BEND2: variants seen among roughly 807,000 people sequenced by gnomAD.
BEND2 encodes BEN domain containing 2, also known as BEN domain-containing protein 2.
In BEND2, 19 loss-of-function variants were observed where a neutral mutation model predicts 43.8. The ratio of observed to expected loss-of-function variants is 0.43; its 90% CI spans 0.30 to 0.64. The LOEUF (loss-of-function observed/expected upper bound fraction) is 0.64. Among genes scored for constraint, BEND2 ranks in the 30% least tolerant of loss-of-function variants. The probability of loss-of-function intolerance (pLI) is 0.11; values close to 1 mark genes in which losing one functional copy is unlikely to be tolerated. For synonymous variants in BEND2, 226 were observed against 210.1 expected (o/e 1.08, Z -0.66); for missense variants, 544 against 574.0 (o/e 0.95, Z 0.53).
intron 10 of BEND2, 58 bp downstream of exon 10, chrX:18,177,511 T>C (rs1027068003): frequency 1.8e-5 from 20 of 1,086,916 alleles, no homozygotes; most frequent in Non-Finnish European, 2.5e-5. Flanking sequence ...ATAACATTCA[T>C]TATATGACCA....
chrX:18,185,341 C>T (rs1453192374), intron 8 of BEND2, among the ~76,000 whole-genome samples: 1 of 108,169 alleles, frequency 9.2e-6, no homozygotes, highest in African/African-American at 3.4e-5. Context: ...CCAGCCTGAG[C>T]AACGTGACGA....
rs148411837 is a variant in BEND2, at chrX:18,171,577, T to C, written c.1982-373A>G. Among the ~76,000 whole-genome samples, 553 of 111,346 alleles carry C rather than the reference T, an allele frequency of 5.0e-3. 8 individuals are homozygous for C. Among genetic ancestry groups the C allele is most frequent in the African/African-American group, 0.017 (508 of 30,681 alleles). On this transcript the variant is annotated intron_variant, in intron 12 of 13. Coordinates refer to ENST00000380033, the MANE Select transcript of BEND2 (RefSeq NM_153346.5). ...CAGGCTGGTCTCAAACTTCCAGGTT[T>C]AAACGACCCTCCTGCCTCGGCCTCC... is the stretch of plus-strand genomic sequence containing the variant.
intron 2 of BEND2, among the ~76,000 whole-genome samples, chrX:18,214,276 G>A (rs747569248): frequency 9.0e-6 from 1 of 111,233 alleles, no homozygotes; most frequent in East Asian, 2.8e-4. Flanking sequence ...AGATATAAAA[G>A]AGAGTATAGC....
intron 6 of BEND2, among the ~76,000 whole-genome samples, chrX:18,201,132 G>A (rs1008860543): frequency 2.7e-5 from 3 of 111,393 alleles, no homozygotes; most frequent in Non-Finnish European, 5.6e-5. Context: ...AGTGGCTCAC[G>A]CCTATAATCC....
intron 13 of BEND2, among the ~76,000 whole-genome samples, chrX:18,166,829 G>T (rs1602021989): frequency 9.0e-6 from 1 of 110,619 alleles, no homozygotes; most frequent in South Asian, 3.9e-4. Context: ...AGTCGAGTCT[G>T]CAGTGAACCA....
At chrX:18,204,091 A>T (rs1207364026) in intron 4 of BEND2, among the ~76,000 whole-genome samples, 176 bp from the exon 5 acceptor site, 4 of 112,588 alleles carry the variant, frequency 3.6e-5, no homozygotes, top group African/African-American at 1.3e-4. Context: ...AAGTTTATTT[A>T]AAAAAATAAG....
intron 13 of BEND2, among the ~76,000 whole-genome samples, chrX:18,166,908 A>G (rs1923838704): frequency 9.1e-6 from 1 of 109,476 alleles, no homozygotes; most frequent in Non-Finnish European, 1.9e-5. Flanking sequence ...AAAGAAACTG[A>G]CAGTCAAGTG....
At chrX:18,198,870 C>T (rs1925047864) in intron 6 of BEND2, among the ~76,000 whole-genome samples, 1 of 106,598 alleles carries the variant, frequency 9.4e-6, no homozygotes, top group Non-Finnish European at 1.9e-5. Flanking sequence ...TACTATGCAG[C>T]CATAAAAAAT....
rs1333009580 is a variant in BEND2, at chrX:18,195,325, G to C, written c.1151C>G (p.Ser384Cys). Residue 384 changes from serine to cysteine, a missense_variant, in exon 7 of 14, where the codon TCT becomes TGT. Transcript: ENST00000380033. ...SGNTSAPYPA[S>C]SYLPITSNFE... ...ATTAGAAGTGATGGGAAGATATGAAGAGGCTGGATATGGGGCACTCGTATT... is the reference window on the plus strand; with the variant it reads ...ATTAGAAGTGATGGGAAGATATGAACAGGCTGGATATGGGGCACTCGTATT... 8.3e-7 allele frequency: 1 copy of C among 1,207,471 alleles called. No individual in the cohort carries two copies. Among genetic ancestry groups the C allele is most frequent in the Non-Finnish European group, 1.1e-6 (1 of 893,626 alleles).
rs945160009 is a variant in BEND2 at position 18,177,769 on chromosome X, C to G, written c.1430G>C (p.Gly477Ala). The G allele has an allele frequency of 2.5e-6, 3 of 1,199,984 alleles. No homozygotes were observed. The highest frequency in any genetic ancestry group is 3.4e-6 in the Non-Finnish European group (3 of 887,099). ...ATTTCTTTTTGGATCACCAAGATAG[C>G]CTTTAAAAATAAAGAGAAAAAGGAA... is the stretch of plus-strand genomic sequence containing the variant. ...SSSVCIPPKYGYLGDPKRNVR... is the reference protein window; with the variant it reads ...SSSVCIPPKYAYLGDPKRNVR... The change falls in exon 10 of 14, where the codon GGC becomes GCC. Residue 477 changes from glycine (G) to alanine (A), a missense_variant and splice_region_variant. This residue lies in a region of BEND2 where 501 missense variants were observed against 501.6 expected (regional missense o/e 1.00). Coordinates refer to ENST00000380033, the MANE Select transcript of BEND2 (RefSeq NM_153346.5).
intron 6 of BEND2, among the ~76,000 whole-genome samples, chrX:18,196,045 T>C (rs1924937793): frequency 9.0e-6 from 1 of 111,530 alleles, no homozygotes; most frequent in South Asian, 3.8e-4. Context: ...CCACCTGTAA[T>C]CCCAACACTT....
At chrX:18,207,018 C>G (rs145588970) in intron 4 of BEND2, among the ~76,000 whole-genome samples, 3 of 111,444 alleles carry the variant, frequency 2.7e-5, no homozygotes, top group Non-Finnish European at 5.7e-5. Context: ...CACCTCCCCC[C>G]ACAGATGCTG....
At chrX:18,219,431 G>A (rs1027830869) in intron 1 of BEND2, among the ~76,000 whole-genome samples, 2 of 112,722 alleles carry the variant, frequency 1.8e-5, no homozygotes, top group African/African-American at 3.2e-5. Flanking sequence ...CCCAACTTCC[G>A]CCTCTGTTCC....
At chrX:18,200,153 G>A (rs958054859) in intron 6 of BEND2, among the ~76,000 whole-genome samples, 10 of 111,737 alleles carry the variant, frequency 8.9e-5, no homozygotes, top group African/African-American at 2.0e-4. Flanking sequence ...TTTTCAATGG[G>A]TGAATGGCTA....
At chrX:18,219,149 C>A (rs923715894) in intron 1 of BEND2, among the ~76,000 whole-genome samples, 1 of 112,195 alleles carries the variant, frequency 8.9e-6, no homozygotes, top group Admixed American at 9.4e-5. Flanking sequence ...TCCCATCGCC[C>A]AGCACTTGCC....
In BEND2 at chrX:18,199,900, T is replaced by C. The variant is rs542095279; in HGVS notation, c.1033+1915A>G. ...AATAGAAATAACAGAAATATGAATG[T>C]GGAGAAACTGGATCACTCATGCATT... On this transcript the variant is annotated intron_variant, in intron 6 of 13. Transcript: ENST00000380033. Among the ~76,000 whole-genome samples the C allele has an allele frequency of 5.4e-5, 6 of 111,832 alleles. No individual in the cohort carries two copies. In the South Asian group the frequency reaches 2.3e-3, roughly 42 times the overall value.
At chrX:18,174,881 G>T (rs560789546) in intron 11 of BEND2, among the ~76,000 whole-genome samples, 1 of 110,826 alleles carries the variant, frequency 9.0e-6, no homozygotes, top group Non-Finnish European at 1.9e-5. Context: ...GGGTTGGGGA[G>T]GGTCTTGCTA....
intron 6 of BEND2, among the ~76,000 whole-genome samples, chrX:18,201,404 A>C (rs1166236573): frequency 1.1e-4 from 11 of 96,874 alleles, no homozygotes; most frequent in Non-Finnish European, 1.8e-4. Context: ...CTCAAAAAAA[A>C]AAAAAAAAAA....
rs909806430 is a variant in BEND2 at position 18,205,751 on chromosome X, T to C, written c.493-1836A>G. The stretch of plus-strand genomic sequence containing the variant: ...GTGGTTTGCAAAGTGGTCCACAAAC[T>C]GGCAGTATCAACAACACCTGCAAGA... On this transcript the variant is annotated intron_variant, in intron 4 of 13. Coordinates refer to ENST00000380033, the MANE Select transcript of BEND2 (RefSeq NM_153346.5). Among the ~76,000 whole-genome samples, 3 of 110,251 alleles carry C rather than the reference T, an allele frequency of 2.7e-5. No homozygotes were observed. In the Admixed American group the frequency reaches 2.9e-4, roughly 11 times the overall value.
Sources: allele counts gnomAD v4.1 joint callset (sites outside exome capture counted in the v4.1 genomes callset), GRCh38; gene constraint gnomAD v4.1.1; regional missense constraint gnomAD v4.1.1; transcripts MANE v1.5; gene names NCBI Gene and HGNC (gene_info 2026-07-23, HGNC 2026-07-21).